The following CACNA2D3 variants were observed in gnomAD, a reference collection of about 807,000 sequenced individuals.
The protein encoded by CACNA2D3 is calcium voltage-gated channel auxiliary subunit alpha2delta 3.
Under a neutral mutation model 160.6 loss-of-function variants are expected in CACNA2D3, and 60 were observed. That is an observed-to-expected ratio of 0.37 (90% CI 0.30 to 0.46). The LOEUF is 0.46. Ranked by LOEUF, CACNA2D3 falls within the 20% of genes least tolerant of loss-of-function variation. The pLI, the probability that CACNA2D3 is intolerant of heterozygous loss-of-function variation, is 1.00. For missense variants in CACNA2D3, 1,205 were observed against 1,365.0 expected (o/e 0.88, Z 1.85); for synonymous variants, 558 against 492.9 (o/e 1.13, Z -1.75).
chr3:54,223,644 A>G (rs1701615526), intron 2 of CACNA2D3, among the ~76,000 whole-genome samples: 1 of 152,090 alleles, frequency 6.6e-6, no homozygotes, highest in African/African-American at 2.4e-5. Context: ...TCATGAGGTC[A>G]GGAGTTCGAG....
chr3:54,457,421 A>G (rs1318580301), intron 4 of CACNA2D3, among the ~76,000 whole-genome samples: 1 of 152,050 alleles, frequency 6.6e-6, no homozygotes, highest in East Asian at 1.9e-4. Context: ...TAGAAAATAT[A>G]GTTGATATTA....
chr3:54,340,990 C>T (rs1489034104), intron 3 of CACNA2D3, among the ~76,000 whole-genome samples: 3 of 152,214 alleles, frequency 2.0e-5, no homozygotes, highest in African/African-American at 4.8e-5. Context: ...CACTTCCCTG[C>T]TCTGAAGCTT....
chr3:54,372,383 G>T (rs1218839285), intron 3 of CACNA2D3, among the ~76,000 whole-genome samples: 1 of 152,146 alleles, frequency 6.6e-6, no homozygotes, highest in Non-Finnish European at 1.5e-5. Flanking sequence ...ACTCCACTCT[G>T]GTCATGTCAG....
chr3:54,921,389 C>T lies in CACNA2D3; in HGVS notation c.2449+21521C>T, dbSNP rs1700846140. Among the ~76,000 whole-genome samples, 3 of 152,220 alleles carry T rather than the reference C, an allele frequency of 2.0e-5. 1 individual carries two copies. Among genetic ancestry groups the T allele is most frequent in the Admixed American group, 2.0e-4 (3 of 15,292 alleles). ...AATATATCAAGTATTTAGCATAATA[C>T]CTAGCTCAGAGTAAATGTTTAGTGA... On this transcript the variant is annotated intron_variant, in intron 27 of 37. Transcript: ENST00000474759.
At chr3:54,833,334 CTTAAG>C (rs1703918355) in intron 14 of CACNA2D3, among the ~76,000 whole-genome samples, 1 of 152,194 alleles carries the variant, frequency 6.6e-6, no homozygotes, top group Admixed American at 6.5e-5. Context: ...CCCACTTGGA[CTTAAG>C]TTAATGGGAT....
intron 13 of CACNA2D3, among the ~76,000 whole-genome samples, chr3:54,806,899 G>A (rs1030977491): frequency 6.6e-6 from 1 of 152,094 alleles, no homozygotes; most frequent in African/African-American, 2.4e-5. Context: ...AAATAATGCT[G>A]CATATCTACA....
intron 4 of CACNA2D3, among the ~76,000 whole-genome samples, chr3:54,500,739 G>C (rs1701281867): frequency 6.6e-6 from 1 of 151,274 alleles, no homozygotes; most frequent in Non-Finnish European, 1.5e-5. Flanking sequence ...TTTAGTAGTT[G>C]CCTTAAAGTT....
intron 5 of CACNA2D3, among the ~76,000 whole-genome samples, chr3:54,520,475 T>C (rs1374265799): frequency 6.6e-6 from 1 of 151,920 alleles, no homozygotes; most frequent in African/African-American, 2.4e-5. Context: ...CAGGAAGGAG[T>C]AACCTTTTAG....
intron 27 of CACNA2D3, among the ~76,000 whole-genome samples, chr3:54,964,711 T>C (rs1321545330): frequency 2.0e-5 from 3 of 152,182 alleles, no homozygotes; most frequent in African/African-American, 7.2e-5. Context: ...CACTTCTGTT[T>C]GTGGCTTGTG....
intron 2 of CACNA2D3, among the ~76,000 whole-genome samples, chr3:54,128,739 C>T (rs1699647540): frequency 6.6e-6 from 1 of 152,260 alleles, no homozygotes; most frequent in African/African-American, 2.4e-5. Flanking sequence ...TCTACACAGG[C>T]AATGTTAGCA....
chr3:54,290,659 CA>C (rs1703166776), intron 2 of CACNA2D3, among the ~76,000 whole-genome samples: 1 of 151,350 alleles, frequency 6.6e-6, no homozygotes, highest in African/African-American at 2.4e-5. Context: ...GGAACCAACC[CA>C]AATGTCCAAC....
At chr3:54,702,197 C>T (rs939093443) in intron 11 of CACNA2D3, among the ~76,000 whole-genome samples, 4 of 152,188 alleles carry the variant, frequency 2.6e-5, no homozygotes, top group Admixed American at 2.6e-4. Flanking sequence ...TGGACATAGG[C>T]CTTGGGAAAG....
intron 27 of CACNA2D3, among the ~76,000 whole-genome samples, chr3:54,949,926 C>A (rs889784662): frequency 3.9e-5 from 6 of 152,200 alleles, no homozygotes; most frequent in Middle Eastern, 3.4e-3. Context: ...TGAGGGCCAC[C>A]CCAAATAATG....
chr3:54,550,211 G>A (rs1176042589), intron 5 of CACNA2D3, among the ~76,000 whole-genome samples: 3 of 152,194 alleles, frequency 2.0e-5, no homozygotes, highest in Admixed American at 1.3e-4. Flanking sequence ...AACGCCAAGG[G>A]TTAAGTGGCC....
intron 2 of CACNA2D3, among the ~76,000 whole-genome samples, chr3:54,178,830 C>G (rs374992022): frequency 2.3e-4 from 35 of 152,278 alleles, no homozygotes; most frequent in East Asian, 2.1e-3. Flanking sequence ...TGGTTCTGGG[C>G]TACAGAGGGG....
chr3:54,599,330 G>A (rs1201394326), intron 9 of CACNA2D3, among the ~76,000 whole-genome samples: 2 of 152,144 alleles, frequency 1.3e-5, no homozygotes, highest in Non-Finnish European at 2.9e-5. Context: ...AAAGCTACTT[G>A]GAGGAACCAT....
chr3:54,817,264 G>A (rs1436956262), intron 14 of CACNA2D3, among the ~76,000 whole-genome samples: 2 of 152,124 alleles, frequency 1.3e-5, no homozygotes, highest in African/African-American at 4.8e-5. Context: ...TTTAAATTTG[G>A]GGCTCCTAAG....
chr3:54,683,993 G>A (rs488451), intron 11 of CACNA2D3, among the ~76,000 whole-genome samples: 126,504 of 138,136 alleles, frequency 0.92, 58,089 homozygotes, highest in African/African-American at 0.93. Flanking sequence ...TTTTTGAGAC[G>A]GAGTTTCACT....
At chr3:54,973,845 G>C (rs143695663) in intron 29 of CACNA2D3, among the ~76,000 whole-genome samples, 1 of 152,176 alleles carries the variant, frequency 6.6e-6, no homozygotes, top group African/African-American at 2.4e-5. Context: ...AGTGTCAAGC[G>C]TATTCCACAA....
Sources: gnomAD v4.1 joint callset for allele counts (sites outside exome capture counted in the v4.1 genomes callset) on GRCh38, gnomAD v4.1.1 for gene constraint, MANE v1.5 for transcripts, NCBI Gene and HGNC (gene_info 2026-07-23, HGNC 2026-07-21) for gene names.